Variants in CALD1 observed in about 807,000 individuals in gnomAD.
CALD1 encodes the protein caldesmon.
Under a neutral mutation model 99.9 loss-of-function variants are expected in CALD1, and 33 were observed. That is an observed-to-expected ratio of 0.33 (90% CI 0.25 to 0.44). The LOEUF (loss-of-function observed/expected upper bound fraction) is 0.44. Ranked by LOEUF, CALD1 falls within the 20% of genes least tolerant of loss-of-function variation. CALD1 has a pLI of 1.00. For missense variants in CALD1, 861 were observed against 962.1 expected, an observed-to-expected ratio of 0.89 and a Z score of 1.39; for synonymous variants, 310 against 325.0, an observed-to-expected ratio of 0.95 and a Z score of 0.50.
At chr7:134,931,490 G>A (rs964901490) in intron 4 of CALD1, among the ~76,000 whole-genome samples, 4 of 152,176 alleles carry the variant, frequency 2.6e-5, no homozygotes, top group Non-Finnish European at 5.9e-5. Context: ...AAGTTTTAAA[G>A]CTAGTTTTTA....
intron 1 of CALD1, among the ~76,000 whole-genome samples, chr7:134,786,328 T>C (rs1388633284): frequency 6.6e-6 from 1 of 152,272 alleles, no homozygotes; most frequent in African/African-American, 2.4e-5. Context: ...AAAGAGTTAT[T>C]GAATTCATAG....
rs141940155 is a variant in CALD1 at position 134,784,087 on chromosome 7, G to A, written c.-130+4338G>A. 1.1e-3 allele frequency among the ~76,000 whole-genome samples: 169 copies of A among 152,166 alleles called. 1 individual carries two copies. The highest frequency in any genetic ancestry group is 3.9e-3 in the African/African-American group (162 of 41,520). On this transcript the variant is annotated intron_variant, in intron 1 of 14. Coordinates refer to ENST00000361675, the MANE Select transcript of CALD1 (RefSeq NM_033138.4). ...CATTTTTAAAAGATTTTAGTATATC[G>A]GGCACTCATTTTAGTACATGGCTTT... is the stretch of plus-strand genomic sequence containing the variant.
At chr7:134,837,223 G>A (rs543511147) in intron 1 of CALD1, among the ~76,000 whole-genome samples, 1 of 152,244 alleles carries the variant, frequency 6.6e-6, no homozygotes, top group East Asian at 1.9e-4. Context: ...GAATAACAAA[G>A]AAGGCAGAGA....
rs1808911963 is a variant in CALD1, at chr7:134,969,628, T to G, written c.*1283T>G. On this transcript the variant is annotated 3_prime_UTR_variant, in exon 15 of 15. Transcript: ENST00000361675. ...TATACTCTGAAGCATTTCTTCAAACTTTTCTACTTTTATTTGTCATTGATA... is the reference window on the plus strand; with the variant it reads ...TATACTCTGAAGCATTTCTTCAAACGTTTCTACTTTTATTTGTCATTGATA... 7.7e-6 allele frequency: 1 copy of G among 130,448 alleles called. No individual in the cohort carries two copies. Among genetic ancestry groups the G allele is most frequent in the African/African-American group, 2.6e-5 (1 of 38,106 alleles). 8.1% of individuals were successfully genotyped at this position (130,448 alleles called of 1,614,324 possible). A position where few individuals can be genotyped will look rare whatever the true frequency, so the allele number is the denominator to read the frequency against.
intron 3 of CALD1, among the ~76,000 whole-genome samples, chr7:134,912,984 G>C (rs921448055): frequency 6.6e-6 from 1 of 152,158 alleles, no homozygotes; most frequent in Non-Finnish European, 1.5e-5. Flanking sequence ...ATTAAGCGGG[G>C]CTGAGCGTGG....
upstream of CALD1, among the ~76,000 whole-genome samples, chr7:134,774,634 C>T (rs573572134): frequency 5.3e-5 from 8 of 152,266 alleles, no homozygotes; most frequent in East Asian, 1.9e-4. Context: ...TCTGCTCCAC[C>T]GCCTGTCCTC....
the CALD1 span, among the ~76,000 whole-genome samples, chr7:134,712,933 C>T: frequency 3.1e-4 from 47 of 152,284 alleles, no homozygotes; most frequent in Non-Finnish European, 5.1e-4. Flanking sequence ...TTTGAACTAA[C>T]GCAATTCCCA....
intron 1 of CALD1, among the ~76,000 whole-genome samples, chr7:134,764,042 C>T (rs563470461): frequency 8.5e-5 from 13 of 152,194 alleles, no homozygotes; most frequent in African/African-American, 3.1e-4. Flanking sequence ...CTCTGCCTTC[C>T]AGAAGATACA....
intron 1 of CALD1, among the ~76,000 whole-genome samples, chr7:134,784,805 A>G (rs1317552807): frequency 6.6e-6 from 1 of 152,174 alleles, no homozygotes; most frequent in East Asian, 1.9e-4. Context: ...GCCGCGGTCC[A>G]TGGATATTTA....
chr7:134,846,377 C>T (rs1175957723), intron 2 of CALD1, among the ~76,000 whole-genome samples: 5 of 152,138 alleles, frequency 3.3e-5, no homozygotes, highest in South Asian at 2.1e-4. Flanking sequence ...TTAGGGTTTC[C>T]CTGCCAGACC....
At chr7:134,920,776 T>C (rs183324531) in intron 3 of CALD1, 9 of 869,528 alleles carry the variant, frequency 1.0e-5, no homozygotes, top group Admixed American at 4.7e-5. Flanking sequence ...TTCTGTCAGA[T>C]AGTGAGTTTA....
intron 1 of CALD1, among the ~76,000 whole-genome samples, chr7:134,807,608 G>A (rs940556271): frequency 2.0e-5 from 3 of 152,148 alleles, no homozygotes; most frequent in Non-Finnish European, 4.4e-5. Flanking sequence ...GGAAGAAGAG[G>A]TCTGTACTAG....
intron 2 of CALD1, among the ~76,000 whole-genome samples, chr7:134,851,874 A>G (rs1000327356): frequency 6.6e-6 from 1 of 152,214 alleles, no homozygotes; most frequent in African/African-American, 2.4e-5. Context: ...AAGAAGTAAA[A>G]CAAGAATATG....
intron 2 of CALD1, among the ~76,000 whole-genome samples, chr7:134,850,785 C>A (rs947427907): frequency 1.3e-5 from 2 of 152,108 alleles, no homozygotes; most frequent in Non-Finnish European, 2.9e-5. Context: ...TCAAATCTCA[C>A]CTTGAGTTGT....
chr7:134,745,197 T>C (rs1197340382), intron 1 of CALD1, among the ~76,000 whole-genome samples: 1 of 152,092 alleles, frequency 6.6e-6, no homozygotes, highest in African/African-American at 2.4e-5. Context: ...AAATTAAAAC[T>C]CCATTTAAAA....
chr7:134,915,441 G>A (rs533817482), intron 3 of CALD1, among the ~76,000 whole-genome samples: 3 of 152,216 alleles, frequency 2.0e-5, no homozygotes, highest in Non-Finnish European at 4.4e-5. Flanking sequence ...TAGGTAACAA[G>A]TTTAAGGAAT....
chr7:134,953,667 TTG>T (rs548771787), intron 9 of CALD1, among the ~76,000 whole-genome samples: 6,517 of 127,932 alleles, frequency 0.051, 286 homozygotes, highest in Non-Finnish European at 0.08. Context: ...TTTTTTTTTT[TTG>T]TTTTTTTTTT....
chr7:134,927,477 G>C (rs995555444), intron 3 of CALD1, among the ~76,000 whole-genome samples: 3 of 150,176 alleles, frequency 2.0e-5, no homozygotes, highest in African/African-American at 7.4e-5. Context: ...GCTTGAGCCT[G>C]GGAGGTCAAG....
intron 7 of CALD1, among the ~76,000 whole-genome samples, chr7:134,947,178 G>C (rs1806945870): frequency 6.6e-6 from 1 of 152,188 alleles, no homozygotes. Flanking sequence ...TGTATCAGAA[G>C]TGGGATTGCT....
Sources: gnomAD v4.1 joint callset for allele counts (sites outside exome capture counted in the v4.1 genomes callset) on GRCh38, gnomAD v4.1.1 for gene constraint, MANE v1.5 for transcripts, NCBI Gene and HGNC (gene_info 2026-07-23, HGNC 2026-07-21) for gene names.